Variants in SOX6 observed in about 807,000 individuals in gnomAD.
SOX6 encodes the protein transcription factor SOX-6.
In SOX6, 11 loss-of-function variants were observed where a neutral mutation model predicts 97.8. That is an observed-to-expected ratio of 0.11 (90% CI 0.07 to 0.19). The LOEUF is 0.19. Ranked by LOEUF, SOX6 falls within the 10% of genes least tolerant of loss-of-function variation. The pLI, the probability that SOX6 is intolerant of heterozygous loss-of-function variation, is 1.00. For missense variants in SOX6, 810 were observed against 1,039.5 expected (o/e 0.78, Z 3.04); for synonymous variants, 360 against 371.4 (o/e 0.97, Z 0.35).
chr11:16,435,613 C>A (rs1217335447), intron 1 of SOX6, among the ~76,000 whole-genome samples: 1 of 152,142 alleles, frequency 6.6e-6, no homozygotes, highest in African/African-American at 2.4e-5. Flanking sequence ...TGATTTTAGA[C>A]TTCTAGCCTC....
chr11:16,643,028 T>A (rs1053895201), intron 3 of SOX6, among the ~76,000 whole-genome samples: 1 of 152,332 alleles, frequency 6.6e-6, no homozygotes, highest in South Asian at 2.1e-4. Context: ...CTCTGTTTTT[T>A]CCCCATCGTT....
At chr11:16,139,951 T>TTATATA (rs149983908) in intron 6 of SOX6, among the ~76,000 whole-genome samples, 296 of 124,700 alleles carry the variant, frequency 2.4e-3, no homozygotes, top group African/African-American at 9.0e-3. Context: ...GGCTCATATA[T>TTATATA]TATATATATA....
intron 6 of SOX6, among the ~76,000 whole-genome samples, chr11:16,125,189 G>A (rs2134012040): frequency 6.6e-6 from 1 of 151,908 alleles, no homozygotes; most frequent in East Asian, 1.9e-4. Flanking sequence ...AAGAGTCTAG[G>A]ATATTATAAT....
chr11:16,080,018 G>A (rs1004893205), intron 9 of SOX6, among the ~76,000 whole-genome samples: 2 of 147,798 alleles, frequency 1.4e-5, no homozygotes, highest in Non-Finnish European at 1.5e-5. Context: ...AATTCCTATA[G>A]CAGGTAAAGC....
At chr11:16,117,042 A>G (rs1849364373) in intron 6 of SOX6, among the ~76,000 whole-genome samples, 1 of 152,142 alleles carries the variant, frequency 6.6e-6, no homozygotes, top group South Asian at 2.1e-4. Context: ...TGTTAAAGGA[A>G]TTGTGTCTTT....
chr11:16,294,144 A>T (rs1034682771), intron 3 of SOX6, among the ~76,000 whole-genome samples: 2 of 152,084 alleles, frequency 1.3e-5, no homozygotes, highest in Non-Finnish European at 2.9e-5. Flanking sequence ...TCAAATAAGC[A>T]TGGCCATATT....
At chr11:15,982,210 T>C (rs1361812843) in intron 15 of SOX6, among the ~76,000 whole-genome samples, 1 of 152,092 alleles carries the variant, frequency 6.6e-6, no homozygotes, top group African/African-American at 2.4e-5. Flanking sequence ...CACATTCACA[T>C]AAGCCTGGTT....
rs76769600 is a variant in SOX6, at chr11:16,443,489, T to C, written c.-5+32826A>G. Among the ~76,000 whole-genome samples the C allele has an allele frequency of 3.9e-5, 6 of 152,316 alleles. No individual in the cohort carries two copies. The East Asian group carries it at 1.2e-3, about 29-fold the overall frequency. On this transcript the variant is annotated intron_variant, in intron 1 of 15. Transcript: ENST00000396356. ...TAAACCAACCACAGTGCTAGGTCCT[T>C]GACAAAATCTCCACAAATTGTTTTT... is the stretch of plus-strand genomic sequence containing the variant.
At chr11:16,429,124 G>A (rs146814089) in intron 1 of SOX6, among the ~76,000 whole-genome samples, 2,012 of 152,234 alleles carry the variant, frequency 0.013, 46 homozygotes, top group African/African-American at 0.046. Context: ...ACCACAATGA[G>A]ATACCATCTC....
rs370910978 is a variant in SOX6, at chr11:16,495,011, C to A, written n.610-18623G>T. On this transcript the variant is annotated intron_variant and non_coding_transcript_variant, in intron 4 of 5. Transcript: ENST00000524520. ...CCAGACTGCATCCTGCCTTGGAGCC[C>A]AACAGCCCCTGCATCTCCACATCCC... Among the ~76,000 whole-genome samples, 11 of 152,272 alleles carry A rather than the reference C, an allele frequency of 7.2e-5. No homozygotes were observed. In the South Asian group the frequency reaches 2.1e-3, roughly 29 times the overall value.
At chr11:16,071,522 C>T (rs903299959) in intron 9 of SOX6, among the ~76,000 whole-genome samples, 2 of 151,204 alleles carry the variant, frequency 1.3e-5, no homozygotes, top group African/African-American at 4.9e-5. Context: ...TGCAAGGGGA[C>T]ACAGCCTCCT....
chr11:16,146,282 G>A (rs1173881870), intron 6 of SOX6, among the ~76,000 whole-genome samples: 2 of 152,120 alleles, frequency 1.3e-5, no homozygotes, highest in African/African-American at 4.8e-5. Flanking sequence ...ATGGTGCTGG[G>A]AAAACTGGCT....
intron 3 of SOX6, among the ~76,000 whole-genome samples, chr11:16,243,013 C>T (rs1853238433): frequency 6.6e-6 from 1 of 151,876 alleles, no homozygotes; most frequent in African/African-American, 2.4e-5. Context: ...TCTTTGATCA[C>T]CACATCCTCC....
At chr11:16,517,220 T>C (rs1860988320) in intron 4 of SOX6, among the ~76,000 whole-genome samples, 1 of 151,994 alleles carries the variant, frequency 6.6e-6, no homozygotes, top group Non-Finnish European at 1.5e-5. Flanking sequence ...ACAGCCAATA[T>C]CATACTGAAT....
At chr11:16,030,628 T>C (rs79235523) in intron 12 of SOX6, among the ~76,000 whole-genome samples, 8,313 of 152,206 alleles carry the variant, frequency 0.055, 613 homozygotes, top group East Asian at 0.37. Flanking sequence ...CACTAACTCA[T>C]AGTGTTTTGA....
At chr11:16,572,746 T>C (rs944294279) in intron 4 of SOX6, among the ~76,000 whole-genome samples, 1 of 152,210 alleles carries the variant, frequency 6.6e-6, no homozygotes, top group Non-Finnish European at 1.5e-5. Context: ...ACTCTACATG[T>C]CAACCTAACC....
intron 4 of SOX6, among the ~76,000 whole-genome samples, chr11:16,580,653 G>A (rs1848023766): frequency 6.6e-6 from 1 of 152,134 alleles, no homozygotes; most frequent in African/African-American, 2.4e-5. Context: ...TATCATCAGA[G>A]TGAACAGGCA....
At chr11:16,618,695 C>T (rs1200412372) in intron 3 of SOX6, among the ~76,000 whole-genome samples, 1 of 151,860 alleles carries the variant, frequency 6.6e-6, no homozygotes, top group Non-Finnish European at 1.5e-5. Flanking sequence ...CGGATAACTG[C>T]TTGCCGGGTG....
intron 1 of SOX6, among the ~76,000 whole-genome samples, chr11:16,403,227 TAACA>T (rs1858605639): frequency 6.6e-6 from 1 of 151,668 alleles, no homozygotes; most frequent in East Asian, 1.9e-4. Flanking sequence ...AGTCTTAGAA[TAACA>T]ATAATGAGAC....
Sources: gnomAD v4.1 joint callset for allele counts (sites outside exome capture counted in the v4.1 genomes callset) on GRCh38, gnomAD v4.1.1 for gene constraint, MANE v1.5 for transcripts, NCBI Gene and HGNC (gene_info 2026-07-23, HGNC 2026-07-21) for gene names.